The following COL26A1 variants were observed in gnomAD, a reference collection of about 807,000 sequenced individuals.
The protein encoded by COL26A1 is collagen alpha-1(XXVI) chain.
COL26A1 carries 41 observed loss-of-function variants against 59.3 expected under a neutral mutation model. The observed-to-expected ratio is 0.69, with a 90% confidence interval of 0.54 to 0.90. The LOEUF is 0.90. COL26A1 is among the 40% of genes least tolerant of loss of function. The pLI is 0.00. For missense variants in COL26A1, 612 were observed against 602.3 expected, an observed-to-expected ratio of 1.02 and a Z score of -0.17; for synonymous variants, 266 against 256.0, an observed-to-expected ratio of 1.04 and a Z score of -0.37.
chr7:101,540,811 C>T (rs1202492006), intron 5 of COL26A1, among the ~76,000 whole-genome samples: 2 of 152,002 alleles, frequency 1.3e-5, no homozygotes, highest in Non-Finnish European at 2.9e-5. Context: ...CACTGCAATC[C>T]AGCCTGGAAG....
At chr7:101,456,639 G>A (rs569494220) in intron 3 of COL26A1, among the ~76,000 whole-genome samples, 2 of 150,086 alleles carry the variant, frequency 1.3e-5, no homozygotes, top group African/African-American at 2.5e-5. Flanking sequence ...ACTCCACCTC[G>A]GCAACAAGAG....
intron 3 of COL26A1, among the ~76,000 whole-genome samples, chr7:101,511,264 G>A (rs1367601930): frequency 1.3e-5 from 2 of 152,202 alleles, no homozygotes; most frequent in East Asian, 1.9e-4. Context: ...GGTGGCGCAC[G>A]GGCAGAGGCC....
At chr7:101,414,381 CCTCT>C (rs35093515) in intron 1 of COL26A1, among the ~76,000 whole-genome samples, 2,733 of 145,556 alleles carry the variant, frequency 0.019, 76 homozygotes, top group African/African-American at 0.065. Flanking sequence ...AGGAAAGTCA[CCTCT>C]CTCTCTCTCT....
intron 3 of COL26A1, among the ~76,000 whole-genome samples, chr7:101,448,436 TC>T (rs923621750): frequency 9.9e-5 from 15 of 152,082 alleles, no homozygotes; most frequent in Admixed American, 7.9e-4. Flanking sequence ...CCCACCTTGT[TC>T]CCCAGCATGG....
chr7:101,370,847 G>T (rs1791174243), intron 1 of COL26A1, among the ~76,000 whole-genome samples: 1 of 152,156 alleles, frequency 6.6e-6, no homozygotes, highest in Admixed American at 6.5e-5. Flanking sequence ...CCTCCAGGAA[G>T]TCTCTCTGGA....
chr7:101,367,580 G>T (rs892492973), intron 1 of COL26A1, among the ~76,000 whole-genome samples: 1 of 151,362 alleles, frequency 6.6e-6, no homozygotes, highest in Non-Finnish European at 1.5e-5. Context: ...CACTAAAATC[G>T]CTTAAGCCCG....
chr7:101,547,208 C>G lies in COL26A1; in HGVS notation c.909C>G (p.Val303=), dbSNP rs372870143. The change falls in exon 8 of 13, where the codon GTC becomes GTG. Residue 303 remains valine, a synonymous_variant. Coordinates refer to ENST00000313669, the MANE Select transcript of COL26A1 (RefSeq NM_001278563.3). ...SAIVDTVLAG[V]PGPRGPPGPP... ...TCGTGGACACAGTGCTGGCAGGTGT[C>G]CCAGGACCCCGGGGTCCCCCTGGTC... 70 of 1,591,454 alleles carry G rather than the reference C, an allele frequency of 4.4e-5. No individual in the cohort carries two copies. In the African/African-American group the frequency reaches 8.3e-4, roughly 19 times the overall value.
intron 1 of COL26A1, among the ~76,000 whole-genome samples, chr7:101,368,876 A>G (rs1000996923): frequency 1.4e-5 from 2 of 144,648 alleles, no homozygotes; most frequent in African/African-American, 5.5e-5. Context: ...CTTATTTACT[A>G]TTTGTAGGTA....
intron 1 of COL26A1, among the ~76,000 whole-genome samples, chr7:101,376,144 A>G (rs1259576586): frequency 6.6e-6 from 1 of 151,310 alleles, no homozygotes; most frequent in East Asian, 1.9e-4. Flanking sequence ...CTACAAAAAA[A>G]AAAAAAAAAG....
intron 3 of COL26A1, among the ~76,000 whole-genome samples, chr7:101,525,854 C>T (rs1016347312): frequency 6.6e-6 from 1 of 152,078 alleles, no homozygotes; most frequent in Non-Finnish European, 1.5e-5. Context: ...CCTTTGACCC[C>T]CCTCCTACAT....
chr7:101,484,057 C>T (rs909096138), intron 3 of COL26A1, among the ~76,000 whole-genome samples: 65 of 141,954 alleles, frequency 4.6e-4, no homozygotes, highest in African/African-American at 1.7e-3. Context: ...GCTGTGTTGC[C>T]CAGGCTGGCC....
At chr7:101,367,658 C>CT (rs1195478052) in intron 1 of COL26A1, among the ~76,000 whole-genome samples, 1 of 137,436 alleles carries the variant, frequency 7.3e-6, no homozygotes, top group Non-Finnish European at 1.5e-5. Flanking sequence ...GAGTGAGACT[C>CT]TGTCTCAAAA....
chr7:101,543,042 C>G (rs1322293501), intron 5 of COL26A1, among the ~76,000 whole-genome samples: 1 of 152,158 alleles, frequency 6.6e-6, no homozygotes, highest in Admixed American at 6.5e-5. Context: ...AACCTGGATT[C>G]CAGAGCGCAG....
chr7:101,523,358 C>G (rs1795178053), intron 3 of COL26A1, among the ~76,000 whole-genome samples: 2 of 152,104 alleles, frequency 1.3e-5, no homozygotes, highest in African/African-American at 4.8e-5. Context: ...CGTGAGCCAC[C>G]ACACCTGGCC....
At chr7:101,388,236 G>C (rs912664056) in intron 1 of COL26A1, among the ~76,000 whole-genome samples, 2 of 151,836 alleles carry the variant, frequency 1.3e-5, no homozygotes, top group Non-Finnish European at 2.9e-5. Context: ...ACTTTGGGAG[G>C]CTAAGGCGGG....
chr7:101,501,811 G>A (rs1450757219), intron 3 of COL26A1, among the ~76,000 whole-genome samples: 1 of 152,168 alleles, frequency 6.6e-6, no homozygotes, highest in African/African-American at 2.4e-5. Flanking sequence ...GTACAAGCGT[G>A]GACTATGTGT....
chr7:101,539,697 G>A (rs888271342), intron 4 of COL26A1, among the ~76,000 whole-genome samples, 196 bp from the exon 5 acceptor site: 1 of 152,178 alleles, frequency 6.6e-6, no homozygotes, highest in African/African-American at 2.4e-5. Flanking sequence ...CTTTCCTGAT[G>A]TCAGAAGGAG....
chr7:101,363,424 C>T (rs1362846373), intron 1 of COL26A1, among the ~76,000 whole-genome samples: 2 of 116,660 alleles, frequency 1.7e-5, no homozygotes, highest in Non-Finnish European at 3.5e-5. Context: ...TGGCGGATGC[C>T]AGGGGCAGGG....
chr7:101,504,633 T>C (rs1447002241), intron 3 of COL26A1, among the ~76,000 whole-genome samples: 1 of 152,208 alleles, frequency 6.6e-6, no homozygotes, highest in Non-Finnish European at 1.5e-5. Flanking sequence ...GCCTCCGCCA[T>C]CTCATTGGTC....
Sources: allele counts gnomAD v4.1 joint callset (sites outside exome capture counted in the v4.1 genomes callset), GRCh38; gene constraint gnomAD v4.1.1; transcripts MANE v1.5; gene names NCBI Gene and HGNC (gene_info 2026-07-23, HGNC 2026-07-21).